FAM3D: variants seen among roughly 807,000 people sequenced by gnomAD.
FAM3D encodes the protein protein FAM3D.
A neutral mutation model predicts 29.8 loss-of-function variants in FAM3D; 26 were observed. The ratio of observed to expected loss-of-function variants is 0.87; its 90% CI spans 0.64 to 1.21. The LOEUF is 1.21. FAM3D is among the 50% of genes most tolerant of loss of function. The probability of loss-of-function intolerance (pLI) is 0.00; values close to 1 mark genes in which losing one functional copy is unlikely to be tolerated. For synonymous variants in FAM3D, 115 were observed against 102.3 expected, an observed-to-expected ratio of 1.12 and a Z score of -0.75; for missense variants, 253 against 290.9, an observed-to-expected ratio of 0.87 and a Z score of 0.95.
At chr3:58,646,624 C>A (rs981116732) in intron 4 of FAM3D, among the ~76,000 whole-genome samples, 1 of 152,226 alleles carries the variant, frequency 6.6e-6, no homozygotes, top group African/African-American at 2.4e-5. Flanking sequence ...TGCTCATCTG[C>A]AAAGGGAAAA....
intron 4 of FAM3D, among the ~76,000 whole-genome samples, chr3:58,646,087 C>T (rs2066471300): frequency 6.6e-6 from 1 of 152,182 alleles, no homozygotes; most frequent in Non-Finnish European, 1.5e-5. Flanking sequence ...CCTCCTTGCA[C>T]CTCATCTTAT....
chr3:58,658,635 C>G (rs59026856), intron 1 of FAM3D, among the ~76,000 whole-genome samples: 23,870 of 152,180 alleles, frequency 0.16, 2,281 homozygotes, highest in African/African-American at 0.26. Context: ...ACCTGTGGTC[C>G]TGGATGGGAG....
At chr3:58,643,822 C>T in intron 5 of FAM3D, 102 bp from the exon 6 acceptor site, 7 of 1,032,746 alleles carry the variant, frequency 6.8e-6, no homozygotes, top group Non-Finnish European at 6.1e-6. Flanking sequence ...ATAAGCAATG[C>T]AGAAGCATTG....
intron 1 of FAM3D, among the ~76,000 whole-genome samples, chr3:58,661,755 C>T (rs1399668777): frequency 2.0e-5 from 3 of 152,144 alleles, no homozygotes; most frequent in African/African-American, 4.8e-5. Context: ...AAGAATGCAC[C>T]CAAAACCCAA....
chr3:58,649,229 C>T (rs1182733971), intron 4 of FAM3D, 86 bp downstream of exon 4: 19 of 1,522,992 alleles, frequency 1.2e-5, no homozygotes, highest in Non-Finnish European at 1.7e-5. Context: ...AGAGCAGGGG[C>T]CCTGGGCCTT....
At chr3:58,655,486 G>A in intron 2 of FAM3D, 65 bp downstream of exon 2, 18 of 1,602,896 alleles carry the variant, frequency 1.1e-5, no homozygotes, top group Non-Finnish European at 1.5e-5. Context: ...CCAAATCACT[G>A]TGAGCCCAGG....
chr3:58,661,057 A>C (rs1453365457), intron 1 of FAM3D, among the ~76,000 whole-genome samples: 1 of 152,198 alleles, frequency 6.6e-6, no homozygotes, highest in Non-Finnish European at 1.5e-5. Flanking sequence ...ACAACTACTC[A>C]ACTCTGCCTT....
intron 5 of FAM3D, 88 bp from the exon 6 acceptor site, chr3:58,643,808 C>T: frequency 1.7e-6 from 2 of 1,206,062 alleles, no homozygotes; most frequent in Non-Finnish European, 2.5e-6. Context: ...CCGTGAGGAC[C>T]CACATAAGCA....
chr3:58,663,201 C>T (rs965099061), intron 1 of FAM3D, among the ~76,000 whole-genome samples: 2 of 152,250 alleles, frequency 1.3e-5, no homozygotes, highest in African/African-American at 4.8e-5. Flanking sequence ...GCCTGGTCTC[C>T]TCCTACCACT....
rs1352275115 is a variant in FAM3D, at chr3:58,666,710, G to T, written c.-173C>A. ...CAGTCCCACCTCCCAGTTGCTGGAG[G>T]GGTAGTGGCCTCACAGACGGCCCTC... is the stretch of plus-strand genomic sequence containing the variant. On this transcript the variant is annotated 5_prime_UTR_variant, in exon 1 of 10. Transcript: ENST00000358781. 6.6e-6 allele frequency: 1 copy of T among 152,270 alleles called. No homozygotes were observed. Among genetic ancestry groups the T allele is most frequent in the African/African-American group, 2.4e-5 (1 of 41,460 alleles). 9.4% of individuals were successfully genotyped at this position (152,270 alleles called of 1,614,324 possible).
Position 58,637,143 on chromosome 3 carries a change from G to A in FAM3D, c.456C>T (p.Thr152=). Residue 152 remains threonine, a splice_region_variant and synonymous_variant, in exon 8 of 10, where the codon ACC becomes ACT. Transcript: ENST00000358781. ...VLVASYDDPG[T]KMNDESRKLF... Reference sequence around the variant, plus strand: ...GGCAGGTAGAGTTTTCTACTTACTTGGTCCCTGGATCGTCGTAGGAGGCCA... The same window carrying A: ...GGCAGGTAGAGTTTTCTACTTACTTAGTCCCTGGATCGTCGTAGGAGGCCA... 1.4e-5 allele frequency: 22 copies of A among 1,613,700 alleles called. No homozygotes were observed. The highest frequency in any genetic ancestry group is 1.9e-5 in the Non-Finnish European group (22 of 1,179,754).
intron 7 of FAM3D, among the ~76,000 whole-genome samples, chr3:58,638,625 C>T (rs191437927): frequency 2.6e-3 from 396 of 152,348 alleles, no homozygotes; most frequent in Non-Finnish European, 2.9e-3. Context: ...GATGGCAGAG[C>T]ATGAAGTCAA....
intron 7 of FAM3D, among the ~76,000 whole-genome samples, chr3:58,637,716 T>C (rs1317517595): frequency 6.6e-6 from 1 of 152,090 alleles, no homozygotes; most frequent in Admixed American, 6.5e-5. Context: ...AGACTATGAA[T>C]ACAACTCTCC....
intron 3 of FAM3D, among the ~76,000 whole-genome samples, chr3:58,651,034 A>G (rs184334198): frequency 6.6e-6 from 1 of 152,334 alleles, no homozygotes; most frequent in Admixed American, 6.5e-5. Context: ...CTTATCCGAA[A>G]GAACTCTGAT....
rs1011535215 is a variant in FAM3D at position 58,635,607 on chromosome 3, C to T, written c.585+687G>A. Among the ~76,000 whole-genome samples the T allele has an allele frequency of 3.9e-5, 6 of 152,230 alleles. No homozygotes were observed. Among genetic ancestry groups the T allele is most frequent in the Non-Finnish European group, 7.3e-5 (5 of 68,034 alleles). On this transcript the variant is annotated intron_variant, in intron 9 of 9. Coordinates refer to ENST00000358781, the MANE Select transcript of FAM3D (RefSeq NM_138805.3). This position sits in a 1 kb window ranked among gnomAD's most constrained non-coding sequence, Gnocchi z 5.2. ...CTCTTGCTAGGGCCCTGCTGCAGCA[C>T]CCCCACAGGACATTCGGGAACCACA...
At chr3:58,639,996 C>T (rs1466859910) in intron 7 of FAM3D, 131 bp downstream of exon 7, 1 of 930,712 alleles carries the variant, frequency 1.1e-6, no homozygotes, top group East Asian at 2.4e-5. Flanking sequence ...CCCACCGCAC[C>T]TCTTCCTGGG....
intron 1 of FAM3D, among the ~76,000 whole-genome samples, chr3:58,661,832 C>T (rs1223398311): frequency 6.6e-6 from 1 of 152,206 alleles, no homozygotes; most frequent in Non-Finnish European, 1.5e-5. Flanking sequence ...TTGCCCTCTC[C>T]CTTGGAGATG....
intron 6 of FAM3D, among the ~76,000 whole-genome samples, chr3:58,640,760 C>T (rs1454942374): frequency 6.6e-6 from 1 of 152,242 alleles, no homozygotes; most frequent in African/African-American, 2.4e-5. Context: ...TCCAGGGAAC[C>T]GAGTCTTCTG....
rs1268979003 is a variant in FAM3D at position 58,635,438 on chromosome 3, G to A, written c.585+856C>T. ...TGGTTCATTTTTGTGTGTCGGTCCC[G>A]GCCAGCTGGTTGCAGATGGATGAAG... On this transcript the variant is annotated intron_variant, in intron 9 of 9. Transcript: ENST00000358781. This position sits in a 1 kb window ranked among gnomAD's most constrained non-coding sequence, Gnocchi z 5.2. 6.6e-6 allele frequency among the ~76,000 whole-genome samples: 1 copy of A among 152,064 alleles called. No homozygotes were observed. Among genetic ancestry groups the A allele is most frequent in the East Asian group, 1.9e-4 (1 of 5,180 alleles).
Sources: gnomAD v4.1 joint callset for allele counts (sites outside exome capture counted in the v4.1 genomes callset) on GRCh38, gnomAD v4.1.1 for gene constraint, Gnocchi (gnomAD v3.1) non-coding constraint, MANE v1.5 for transcripts, NCBI Gene and HGNC (gene_info 2026-07-23, HGNC 2026-07-21) for gene names.